KCNQ1: variants seen among roughly 807,000 people sequenced by gnomAD.
KCNQ1 encodes potassium voltage-gated channel subfamily KQT member 1.
Under a neutral mutation model 72.4 loss-of-function variants are expected in KCNQ1, and 49 were observed. The observed-to-expected ratio is 0.68, with a 90% confidence interval of 0.54 to 0.86. The LOEUF is 0.86. KCNQ1 is among the 40% of genes least tolerant of loss of function. The pLI is 0.00. For missense variants in KCNQ1, 790 were observed against 945.1 expected, an observed-to-expected ratio of 0.84 and a Z score of 2.15; for synonymous variants, 450 against 412.6, an observed-to-expected ratio of 1.09 and a Z score of -1.10.
rs1965606 is a variant in KCNQ1 at position 2,611,323 on chromosome 11, C to G, written c.1393+22469C>G. On this transcript the variant is annotated intron_variant, in intron 10 of 15. Transcript: ENST00000155840. The surrounding 1 kb of genome is among the most constrained non-coding windows in gnomAD (Gnocchi z 5.3). ...CAACCTCTGCCTCCCGGATTCAAGC[C>G]GTTCTCTTGCCTCAGCATCCCAAGT... is the stretch of plus-strand genomic sequence containing the variant. The G allele has an allele frequency of 0.6, 239,331 of 397,214 alleles. 74,001 individuals are homozygous for G. Among genetic ancestry groups the G allele is most frequent in the East Asian group, 0.86 (24,150 of 28,070 alleles). The allele number at this position is 397,214 out of a possible 1,614,324, so 24.6% of individuals were successfully genotyped here. A position where few individuals can be genotyped will look rare whatever the true frequency, so the allele number is the denominator to read the frequency against.
rs1848780274 is a variant in KCNQ1, at chr11:2,600,108, C to T, written c.1393+11254C>T. Among the ~76,000 whole-genome samples the T allele has an allele frequency of 6.6e-6, 1 of 152,162 alleles. No homozygotes were observed. The highest frequency in any genetic ancestry group is 2.1e-4 in the South Asian group (1 of 4,818). On this transcript the variant is annotated intron_variant, in intron 10 of 15. Coordinates refer to ENST00000155840, the MANE Select transcript of KCNQ1 (RefSeq NM_000218.3). The surrounding 1 kb of genome is among the most constrained non-coding windows in gnomAD (Gnocchi z 5.6). ...TCAGCCAAGTGGGGCAGAGTTTCTC[C>T]ACTGTACCTCTATTGAAATCTAGTG...
rs774214259 is a variant in KCNQ1, at chr11:2,759,071, C to T, written c.1515-9773C>T. On this transcript the variant is annotated intron_variant, in intron 11 of 15. Transcript: ENST00000155840. This position sits in a 1 kb window ranked among gnomAD's most constrained non-coding sequence, Gnocchi z 4.4. ...CTCCACCCATGCAAGGTGTGACCGT[C>T]GCGAACTCACGTAGAGGGCATACAG... Among the ~76,000 whole-genome samples the T allele has an allele frequency of 5.5e-4, 83 of 151,710 alleles. 1 individual carries two copies. Among genetic ancestry groups the T allele is most frequent in the Non-Finnish European group, 1.6e-4 (11 of 68,026 alleles).
Position 2,704,923 on chromosome 11 carries a change from C to T in KCNQ1, c.1514+42842C>T, listed in dbSNP as rs533499851. Among the ~76,000 whole-genome samples the T allele has an allele frequency of 6.6e-6, 1 of 152,300 alleles. No individual in the cohort carries two copies. The highest frequency in any genetic ancestry group is 2.1e-4 in the South Asian group (1 of 4,828). On this transcript the variant is annotated intron_variant, in intron 11 of 15. Coordinates refer to ENST00000155840, the MANE Select transcript of KCNQ1 (RefSeq NM_000218.3). This position sits in a 1 kb window ranked among gnomAD's most constrained non-coding sequence, Gnocchi z 4.3. ...GATATAGTGGGGTCAGACCCTATCC[C>T]TCCACCCAGCTGCAGTGACAACTCT...
chr11:2,577,943 T>C (rs1050391844), intron 6 of KCNQ1, among the ~76,000 whole-genome samples: 1 of 152,026 alleles, frequency 6.6e-6, no homozygotes, highest in African/African-American at 2.4e-5. Context: ...TCCACCTTCA[T>C]TGGCCCTGCC....
chr11:2,806,873 G>T (rs897569063), intron 15 of KCNQ1, among the ~76,000 whole-genome samples: 1 of 152,144 alleles, frequency 6.6e-6, no homozygotes, highest in Admixed American at 6.5e-5. Context: ...ACACACAAAG[G>T]CCTCTGCTTC....
chr11:2,676,737 G>A lies in KCNQ1; in HGVS notation c.1514+14656G>A, dbSNP rs1850301920. 2.5e-6 allele frequency: 1 copy of A among 398,606 alleles called. No individual in the cohort carries two copies. Among genetic ancestry groups the A allele is most frequent in the South Asian group, 1.3e-4 (1 of 7,852 alleles). The allele number at this position is 398,606 out of a possible 1,614,324, so 24.7% of individuals were successfully genotyped here. A position where few individuals can be genotyped will look rare whatever the true frequency, so the allele number is the denominator to read the frequency against. On this transcript the variant is annotated intron_variant, in intron 11 of 15. Transcript: ENST00000155840. The surrounding 1 kb of genome is among the most constrained non-coding windows in gnomAD (Gnocchi z 4.2). Reference sequence around the variant, plus strand: ...CCAAGTCATATGCATAGTGGCTTTGGGTACGATGGTCTGCTGTATGAAGCA... The same window carrying A: ...CCAAGTCATATGCATAGTGGCTTTGAGTACGATGGTCTGCTGTATGAAGCA...
At position 2,764,773 on chromosome 11, in the gene KCNQ1, T is replaced by A. The variant is rs75297165; in HGVS notation, c.1515-4071T>A. Among the ~76,000 whole-genome samples, 6,441 of 152,252 alleles carry A rather than the reference T, an allele frequency of 0.042. 309 individuals carry two copies. Among genetic ancestry groups the A allele is most frequent in the East Asian group, 0.13 (681 of 5,174 alleles). On this transcript the variant is annotated intron_variant, in intron 11 of 15. Transcript: ENST00000155840. This position sits in a 1 kb window ranked among gnomAD's most constrained non-coding sequence, Gnocchi z 4.8. ...AAATAATTTGTATATTTTATCTAAA[T>A]CATCAAAAGTATTTTTGTTTGTAAT...
chr11:2,502,889 C>T lies in KCNQ1; in HGVS notation c.387-25039C>T, dbSNP rs371210863. Among the ~76,000 whole-genome samples the T allele has an allele frequency of 1.5e-4, 23 of 152,244 alleles. No individual in the cohort carries two copies. In the South Asian group the frequency reaches 1.7e-3, roughly 11 times the overall value. ...CCCAGCAAACAAATCCATATGTCTA[C>T]GACAAACTCATTTTTGACAAAGGTG... On this transcript the variant is annotated intron_variant, in intron 1 of 15. Transcript: ENST00000155840.
In KCNQ1 at chr11:2,745,732, G is replaced by A. The variant is rs577242463; in HGVS notation, c.1515-23112G>A. On this transcript the variant is annotated intron_variant, in intron 11 of 15. Transcript: ENST00000155840. This position sits in a 1 kb window ranked among gnomAD's most constrained non-coding sequence, Gnocchi z 6.2. ...TGACACGATACAGGGATTTGCTGACGGTTCCTTGTCTGCTCACTAAGCGTG... is the reference window on the plus strand; with the variant it reads ...TGACACGATACAGGGATTTGCTGACAGTTCCTTGTCTGCTCACTAAGCGTG... Among the ~76,000 whole-genome samples the A allele has an allele frequency of 4.9e-4, 74 of 152,288 alleles. No individual in the cohort carries two copies. The highest frequency in any genetic ancestry group is 9.3e-4 in the Non-Finnish European group (63 of 68,034).
At position 2,653,694 on chromosome 11, in the gene KCNQ1, C is replaced by G; in HGVS notation, c.1394-8267C>G. 2.5e-6 allele frequency: 1 copy of G among 398,696 alleles called. No homozygotes were observed. The highest frequency in any genetic ancestry group is 4.4e-6 in the Non-Finnish European group (1 of 226,108). The allele number at this position is 398,696 out of a possible 1,614,324, so 24.7% of individuals were successfully genotyped here. The stretch of plus-strand genomic sequence containing the variant: ...GCATTCAACAGCTCAGGAAGCCCAG[C>G]AGAACGAGGTCATCTCTTCCAGGAT... On this transcript the variant is annotated intron_variant, in intron 10 of 15. Coordinates refer to ENST00000155840, the MANE Select transcript of KCNQ1 (RefSeq NM_000218.3). The surrounding 1 kb of genome is among the most constrained non-coding windows in gnomAD (Gnocchi z 5.3).
In KCNQ1 at chr11:2,704,868, G is replaced by A. The variant is rs1287740482; in HGVS notation, c.1514+42787G>A. Among the ~76,000 whole-genome samples the A allele has an allele frequency of 6.6e-6, 1 of 152,168 alleles. No homozygotes were observed. Among genetic ancestry groups the A allele is most frequent in the Non-Finnish European group, 1.5e-5 (1 of 68,022 alleles). ...CACGAGCGAGCCCAAGGGAAGGACG[G>A]GTTTGGAGGGTTTCTGAAGATCTGG... On this transcript the variant is annotated intron_variant, in intron 11 of 15. Transcript: ENST00000155840. This position sits in a 1 kb window ranked among gnomAD's most constrained non-coding sequence, Gnocchi z 4.3.
In KCNQ1 at chr11:2,769,565, A is replaced by G. The variant is rs1846556521; in HGVS notation, c.1590+646A>G. Among the ~76,000 whole-genome samples, 1 of 152,186 alleles carries G rather than the reference A, an allele frequency of 6.6e-6. No individual in the cohort carries two copies. Among genetic ancestry groups the G allele is most frequent in the South Asian group, 2.1e-4 (1 of 4,834 alleles). Reference sequence around the variant, plus strand: ...CCATGCCCCGCAGAGAATGCCATTGATGGCAGGCATGTCTCCCCTCCTGCC... The same window carrying G: ...CCATGCCCCGCAGAGAATGCCATTGGTGGCAGGCATGTCTCCCCTCCTGCC... On this transcript the variant is annotated intron_variant, in intron 12 of 15. Coordinates refer to ENST00000155840, the MANE Select transcript of KCNQ1 (RefSeq NM_000218.3). The surrounding 1 kb of genome is among the most constrained non-coding windows in gnomAD (Gnocchi z 4.6).
At chr11:2,843,243 A>G (rs1848250677) in intron 15 of KCNQ1, among the ~76,000 whole-genome samples, 1 of 152,194 alleles carries the variant, frequency 6.6e-6, no homozygotes, top group African/African-American at 2.4e-5. Flanking sequence ...ACGAACCGCG[A>G]CCTTACCACG....
chr11:2,644,530 T>C (rs1418741593), intron 10 of KCNQ1: 9 of 398,424 alleles, frequency 2.3e-5, no homozygotes, highest in Non-Finnish European at 4.0e-5. Flanking sequence ...AATATTATAT[T>C]GAATTTTTCA....
At chr11:2,609,558 T>C in intron 10 of KCNQ1, 1 of 395,574 alleles carries the variant, frequency 2.5e-6, no homozygotes, top group Non-Finnish European at 4.4e-6. Context: ...ATGGTGTTGC[T>C]CATATCTTCT....
chr11:2,693,820 G>A (rs1207774660), intron 11 of KCNQ1: 20 of 398,794 alleles, frequency 5.0e-5, no homozygotes, highest in Non-Finnish European at 1.3e-5. Flanking sequence ...AAAGGCACCG[G>A]AAGGAAAGGC....
At chr11:2,625,304 G>A in intron 10 of KCNQ1, 1 of 398,602 alleles carries the variant, frequency 2.5e-6, no homozygotes, top group Non-Finnish European at 4.4e-6. Flanking sequence ...AGGCTGGAAT[G>A]CAGTGGCATG....
rs761102458 is a variant in KCNQ1, at chr11:2,824,658, A to C, written c.1795-23109A>C. Among the ~76,000 whole-genome samples the C allele has an allele frequency of 6.6e-6, 1 of 152,004 alleles. No individual in the cohort carries two copies. The highest frequency in any genetic ancestry group is 1.5e-5 in the Non-Finnish European group (1 of 67,998). On this transcript the variant is annotated intron_variant, in intron 15 of 15. Transcript: ENST00000155840. This position sits in a 1 kb window ranked among gnomAD's most constrained non-coding sequence, Gnocchi z 5.9. ...GAGAGGAGAGAGTGAGAATGGGGCC[A>C]CTCAAGGGGTGAACAGGGCCTTGCA... is the stretch of plus-strand genomic sequence containing the variant.
In KCNQ1 at chr11:2,679,963, G is replaced by A. The variant is rs1269284760; in HGVS notation, c.1514+17882G>A. 4.3e-5 allele frequency: 17 copies of A among 396,858 alleles called. 1 individual carries two copies. Among genetic ancestry groups the A allele is most frequent in the Middle Eastern group, 6.3e-4 (1 of 1,584 alleles). 24.6% of individuals were successfully genotyped at this position (396,858 alleles called of 1,614,324 possible). A position where few individuals can be genotyped will look rare whatever the true frequency, so the allele number is the denominator to read the frequency against. On this transcript the variant is annotated intron_variant, in intron 11 of 15. Coordinates refer to ENST00000155840, the MANE Select transcript of KCNQ1 (RefSeq NM_000218.3). The surrounding 1 kb of genome is among the most constrained non-coding windows in gnomAD (Gnocchi z 4.8). ...GGCGGGAATGCAGTGGCACAGTCTC[G>A]GCTTACTGCAACCTCTACCTCCTGG...
Sources: gnomAD v4.1 joint callset for allele counts (sites outside exome capture counted in the v4.1 genomes callset) on GRCh38, gnomAD v4.1.1 for gene constraint, Gnocchi (gnomAD v3.1) non-coding constraint, MANE v1.5 for transcripts, NCBI Gene and HGNC (gene_info 2026-07-23, HGNC 2026-07-21) for gene names.